HACD3: variants seen among roughly 807,000 people sequenced by gnomAD.
The protein encoded by HACD3 is very-long-chain (3R)-3-hydroxyacyl-CoA dehydratase 3.
A neutral mutation model predicts 55.2 loss-of-function variants in HACD3; 30 were observed. The observed-to-expected ratio is 0.54, with a 90% CI of 0.41 to 0.74. HACD3 has a LOEUF of 0.74. Ranked by LOEUF, HACD3 falls within the 30% of genes least tolerant of loss-of-function variation. The probability of loss-of-function intolerance (pLI) is 0.00; values close to 1 mark genes in which losing one functional copy is unlikely to be tolerated. For missense variants in HACD3, 363 were observed against 440.1 expected (o/e 0.82, Z 1.57); for synonymous variants, 141 against 151.7 (o/e 0.93, Z 0.52).
At chr15:65,531,266 C>T (rs2071896050) in intron 1 of HACD3, 1 of 152,452 alleles carries the variant, frequency 6.6e-6, no homozygotes, top group Non-Finnish European at 1.5e-5. Flanking sequence ...TGATGGAAAT[C>T]ATTCTCATTA....
Position 65,570,135 on chromosome 15 carries a change from G to A in HACD3, c.705G>A (p.Met235Ile). 6.2e-7 allele frequency: 1 copy of A among 1,612,930 alleles called. No homozygotes were observed. Among genetic ancestry groups the A allele is most frequent in the Non-Finnish European group, 8.5e-7 (1 of 1,179,306 alleles). Residue 235 changes from methionine (M) to isoleucine (I), a missense_variant, in exon 8 of 11, where the codon ATG becomes ATA. Transcript: ENST00000261875. ...NFILFIIFGT[M>I]EEMQNKAVVF... is the part of the protein sequence containing the mutation. ...TTTTGTTTATCATCTTTGGCACCAT[G>A]GAAGAAATGCAGAACAAAGCTGTGG...
chr15:65,551,933 A>C, intron 2 of HACD3: 1 of 483,792 alleles, frequency 2.1e-6, no homozygotes, highest in Non-Finnish European at 3.6e-6. Context: ...GAGGCAGTAG[A>C]TACAGTGAAG....
chr15:65,539,753 A>T lies in HACD3; in HGVS notation c.87+9035A>T, dbSNP rs140248945. ...TGGATAAATTGTGGTATATTTATAC[A>T]ATGGCACACTGTACAACAGCTACAA... is the stretch of plus-strand genomic sequence containing the variant. On this transcript the variant is annotated intron_variant, in intron 1 of 10. Coordinates refer to ENST00000261875, the MANE Select transcript of HACD3 (RefSeq NM_016395.4). Among the ~76,000 whole-genome samples, 172 of 152,368 alleles carry T rather than the reference A, an allele frequency of 1.1e-3. 4 individuals are homozygous for T. The East Asian group carries it at 0.027, about 24-fold the overall frequency.
At chr15:65,572,783 C>T (rs1310722468) in intron 10 of HACD3, among the ~76,000 whole-genome samples, 12 of 151,310 alleles carry the variant, frequency 7.9e-5, no homozygotes, top group Admixed American at 2.0e-4. Context: ...GGTGTGGTGG[C>T]GGGTGCCTGT....
intron 1 of HACD3, among the ~76,000 whole-genome samples, chr15:65,548,515 A>G (rs1405634606): frequency 6.7e-6 from 1 of 149,294 alleles, no homozygotes; most frequent in African/African-American, 2.5e-5. Flanking sequence ...TCTGTCTCAA[A>G]AAAAAAAAAA....
intron 7 of HACD3, among the ~76,000 whole-genome samples, chr15:65,568,647 C>G (rs959404484): frequency 6.6e-6 from 1 of 152,022 alleles, no homozygotes; most frequent in Non-Finnish European, 1.5e-5. Flanking sequence ...GCATGAGCCA[C>G]CGCACCCAGC....
intron 1 of HACD3, among the ~76,000 whole-genome samples, chr15:65,536,762 A>C (rs1246519089): frequency 2.0e-5 from 3 of 152,134 alleles, no homozygotes; most frequent in Admixed American, 2.0e-4. Flanking sequence ...AAACAAAACA[A>C]ACAAACAAGC....
intron 2 of HACD3, 117 bp downstream of exon 2, chr15:65,551,835 C>G: frequency 8.7e-7 from 1 of 1,145,150 alleles, no homozygotes; most frequent in South Asian, 1.4e-5. Context: ...GTTCACGCCT[C>G]TGATCCTCAT....
At chr15:65,545,477 C>T (rs1190189361) in intron 1 of HACD3, among the ~76,000 whole-genome samples, 3 of 145,542 alleles carry the variant, frequency 2.1e-5, no homozygotes, top group Non-Finnish European at 4.5e-5. Flanking sequence ...TTTTTTGAGA[C>T]GGAGTCTCGC....
intron 1 of HACD3, among the ~76,000 whole-genome samples, chr15:65,542,033 A>G (rs1156376825): frequency 1.3e-5 from 2 of 151,988 alleles, no homozygotes; most frequent in African/African-American, 4.8e-5. Flanking sequence ...GATCGAGACC[A>G]TCCTGGCCAA....
chr15:65,533,523 A>G (rs939369392), intron 1 of HACD3, among the ~76,000 whole-genome samples: 2 of 152,090 alleles, frequency 1.3e-5, no homozygotes, highest in Middle Eastern at 3.2e-3. Context: ...AAAATTGTGA[A>G]ATGGCCTTTG....
At chr15:65,551,316 T>G (rs2072130448) in intron 1 of HACD3, among the ~76,000 whole-genome samples, 1 of 152,252 alleles carries the variant, frequency 6.6e-6, no homozygotes, top group South Asian at 2.1e-4. Context: ...TCCCACTGGA[T>G]CCTCTGTTCT....
Position 65,572,329 on chromosome 15 carries a change from C to T in HACD3, c.975C>T (p.Ser325=). 2 of 1,611,980 alleles carry T rather than the reference C, an allele frequency of 1.2e-6. No individual in the cohort carries two copies. The highest frequency in any genetic ancestry group is 1.7e-6 in the Non-Finnish European group (2 of 1,179,376). ...CAGTGAAAATCAAAGTTAGATTTTC[C>T]TTTTTTCTTCAGATTTATCTTATAA... is the stretch of plus-strand genomic sequence containing the variant. ...PYPVKIKVRF[S]FFLQIYLIMI... is the part of the protein sequence containing the mutation. Residue 325 remains serine (S), a synonymous_variant, in exon 10 of 11, where the codon TCC becomes TCT. Coordinates refer to ENST00000261875, the MANE Select transcript of HACD3 (RefSeq NM_016395.4).
rs1486477698 is a variant in HACD3 at position 65,558,692 on chromosome 15, C to T, written c.382C>T (p.Leu128=). The T allele has an allele frequency of 2.5e-6, 4 of 1,599,036 alleles. No homozygotes were observed. Among genetic ancestry groups the T allele is most frequent in the Non-Finnish European group, 3.4e-6 (4 of 1,172,574 alleles). Residue 128 remains leucine, a synonymous_variant, in exon 5 of 11, where the codon CTA becomes TTA. Coordinates refer to ENST00000261875, the MANE Select transcript of HACD3 (RefSeq NM_016395.4). ...MELRAKEEER[L]NKLRLESEGS... ...GTCTAAATTCTAGGAAGAAGAGCGC[C>T]TAAATAAACTCCGACTGGAAAGCGA...
intron 9 of HACD3, among the ~76,000 whole-genome samples, chr15:65,571,879 G>A (rs1350965329): frequency 6.6e-6 from 1 of 152,222 alleles, no homozygotes; most frequent in East Asian, 1.9e-4. Flanking sequence ...TGTCCTGCAT[G>A]CTTCCCATTT....
intron 1 of HACD3, chr15:65,550,871 T>C (rs2072125433): frequency 1.3e-5 from 2 of 152,186 alleles, no homozygotes; most frequent in African/African-American, 4.8e-5. Context: ...GAAGTAGGAG[T>C]TGGGTTGTTT....
rs372978893 is a variant in HACD3 at position 65,536,483 on chromosome 15, G to A, written c.87+5765G>A. Among the ~76,000 whole-genome samples, 26 of 152,278 alleles carry A rather than the reference G, an allele frequency of 1.7e-4. No homozygotes were observed. The East Asian group carries it at 2.9e-3, about 17-fold the overall frequency. ...CAGTTAATAACCCTACAATGGGGTC[G>A]GGTGTGATGGCTCATGCCTGTAATC... is the stretch of plus-strand genomic sequence containing the variant. On this transcript the variant is annotated intron_variant, in intron 1 of 10. Transcript: ENST00000261875.
intron 1 of HACD3, among the ~76,000 whole-genome samples, chr15:65,533,498 G>T (rs1221151987): frequency 6.6e-6 from 1 of 152,142 alleles, no homozygotes; most frequent in East Asian, 1.9e-4. Flanking sequence ...CTATGTATTT[G>T]TCTGTGCTTA....
At chr15:65,531,203 G>C (rs927560828) in intron 1 of HACD3, 6 of 151,180 alleles carry the variant, frequency 4.0e-5, no homozygotes, top group African/African-American at 1.5e-4. Context: ...GGCGCTGCCG[G>C]AGGTGGGGGA....
Sources: gnomAD v4.1 joint callset for allele counts (sites outside exome capture counted in the v4.1 genomes callset) on GRCh38, gnomAD v4.1.1 for gene constraint, MANE v1.5 for transcripts, NCBI Gene and HGNC (gene_info 2026-07-23, HGNC 2026-07-21) for gene names.